The following MUC3A variants were observed in gnomAD, a reference collection of about 807,000 sequenced individuals.
MUC3A encodes the protein mucin-3A.
A neutral mutation model predicts 109.0 loss-of-function variants in MUC3A; 109 were observed. The observed-to-expected ratio is 1.00, with a 90% CI of 0.86 to 1.17. The LOEUF is 1.17. MUC3A is among the 50% of genes most tolerant of loss of function. The pLI is 0.00. For synonymous variants in MUC3A, 1,398 were observed against 981.4 expected (o/e 1.42, Z -7.93); for missense variants, 3,537 against 2,469.4 (o/e 1.43, Z -9.16).
In MUC3A at chr7:100,960,838, A is replaced by G. The variant is rs759716010; in HGVS notation, c.8953A>G (p.Arg2985Gly). The change falls in exon 3 of 12, where the codon AGA becomes GGA. Residue 2985 changes from arginine to glycine, a missense_variant. Arg to Gly is a moderately radical substitution (Grantham distance 125). Transcript: ENST00000379458. ...FSGDRCQLQT[R>G]CQNGGQWDGL... ...TGGGGACCGCTGTCAGCTCCAGACCAGATGCCAGAATGGGGGTCAGTGGGA... is the reference window on the plus strand; with the variant it reads ...TGGGGACCGCTGTCAGCTCCAGACCGGATGCCAGAATGGGGGTCAGTGGGA... 1.9e-6 allele frequency: 3 copies of G among 1,598,528 alleles called. No individual in the cohort carries two copies. Among genetic ancestry groups the G allele is most frequent in the Non-Finnish European group, 1.7e-6 (2 of 1,179,812 alleles).
chr7:100,966,165 G>GATCCCCGCCCCCTCCGTTTAGGGTGA, intron 8 of MUC3A: 2 of 341,276 alleles, frequency 5.9e-6, no homozygotes, highest in Non-Finnish European at 9.7e-6. Flanking sequence ...TTCTAGGGTG[G>GATCCCCGCCCCCTCCGTTTAGGGTGA]AGCCCTGCCC....
Position 100,963,712 on chromosome 7 carries a change from C to T in MUC3A, c.9193C>T (p.Gln3065Ter). The change falls in exon 5 of 12, where the codon CAG becomes TAG. Residue 3065 changes from glutamine (Q) to a stop codon, truncating the protein, a stop_gained. Coordinates refer to ENST00000379458, the MANE Select transcript of MUC3A (RefSeq NM_005960.2). LOFTEE classifies it high-confidence loss of function. ...GATGCAGAAGATTTTTGCAGACATG[C>T]AGGGCTTCACCTTCAAGGGTGTGGA... Reference protein sequence around the residue: ...NQMQKIFADMQGFTFKGVEIL... With the variant: ...NQMQKIFADM 3 of 1,598,512 alleles carry T rather than the reference C, an allele frequency of 1.9e-6. No individual in the cohort carries two copies. The highest frequency in any genetic ancestry group is 1.7e-6 in the Non-Finnish European group (2 of 1,179,808).
rs775413752 is a variant in MUC3A, at chr7:100,959,712, A to T, written c.7933A>T (p.Thr2645Ser). Residue 2645 changes from threonine (T) to serine (S), a missense_variant, in exon 2 of 12, where the codon ACT becomes TCT. Coordinates refer to ENST00000379458, the MANE Select transcript of MUC3A (RefSeq NM_005960.2). Reference sequence around the variant, plus strand: ...CTCCACCCTTCAAACAACTCCTTCTACTCCCTCATTGCAAACTTCACTCAC... The same window carrying T: ...CTCCACCCTTCAAACAACTCCTTCTTCTCCCTCATTGCAAACTTCACTCAC... Reference protein sequence around the residue: ...HSSTLQTTPSTPSLQTSLTST... With the variant: ...HSSTLQTTPSSPSLQTSLTST... 4.4e-6 allele frequency: 7 copies of T among 1,598,482 alleles called. No homozygotes were observed. The South Asian group carries it at 7.7e-5, about 18-fold the overall frequency.
Position 100,953,182 on chromosome 7 carries a change from T to A in MUC3A, c.1403T>A (p.Leu468His), listed in dbSNP as rs1792018667. ...GGTTTCCTGACTACAGCAACAGACC[T>A]CACATCAACATTCACGGTTTCCAGT... ...STGFLTTATD[L>H]TSTFTVSSSS... The change falls in exon 2 of 12, where the codon CTC (leucine) becomes CAC (histidine). Residue 468 changes from leucine to histidine, a missense_variant. Transcript: ENST00000379458. 1.6e-6 allele frequency: 1 copy of A among 610,050 alleles called. No individual in the cohort carries two copies. Among genetic ancestry groups the A allele is most frequent in the East Asian group, 2.8e-5 (1 of 36,222 alleles). The allele number at this position is 610,050 out of a possible 1,614,324, so 37.8% of individuals were successfully genotyped here. A position where few individuals can be genotyped will look rare whatever the true frequency, so the allele number is the denominator to read the frequency against.
chr7:100,958,739 T>TACTCCC lies in MUC3A; in HGVS notation c.6960_6961insACTCCC (p.Ser2320_Ala2321insThrPro), dbSNP rs746917822. 1 of 1,513,206 alleles carries TACTCCC rather than the reference T, an allele frequency of 6.6e-7. No homozygotes were observed. Among genetic ancestry groups the TACTCCC allele is most frequent in the African/African-American group, 1.4e-5 (1 of 71,914 alleles). The allele number at this position is 1,513,206 out of a possible 1,614,324, so 93.7% of individuals were successfully genotyped here. The stretch of plus-strand genomic sequence containing the variant: ...CCACCACGGAGACCACCTCACACAG[T>TACTCCC]GCTCACAGCTTCACTTCTTCGATCA... On this transcript the variant is annotated inframe_insertion, in exon 2 of 12. Transcript: ENST00000379458.
At chr7:100,965,119 C>CAGG in intron 6 of MUC3A, 163 bp from the exon 7 acceptor site, 1 of 1,044,400 alleles carries the variant, frequency 9.6e-7, no homozygotes, top group African/African-American at 2.8e-5. Flanking sequence ...AGGCAGGCAA[C>CAGG]AGGAGTCTTC....
In MUC3A at chr7:100,959,041, A is replaced by AGAGTACTCC. The variant is rs2116193099; in HGVS notation, c.7262_7263insGAGTACTCC (p.His2421delinsGlnSerThrPro). On this transcript the variant is annotated protein_altering_variant, in exon 2 of 12. Transcript: ENST00000379458. ...ATCACCACCACTGAGACTACCTCACACAGTACTCCTGGCTTCACTTCTTCA... is the reference window on the plus strand; with the variant it reads ...ATCACCACCACTGAGACTACCTCACAGAGTACTCCCAGTACTCCTGGCTTCACTTCTTCA... The AGAGTACTCC allele has an allele frequency of 6.6e-7, 1 of 1,522,256 alleles. No homozygotes were observed. Among genetic ancestry groups the AGAGTACTCC allele is most frequent in the African/African-American group, 1.5e-5 (1 of 66,392 alleles). The allele number at this position is 1,522,256 out of a possible 1,614,324, so 94.3% of individuals were successfully genotyped here.
intron 3 of MUC3A, among the ~76,000 whole-genome samples, chr7:100,962,815 T>TCTCTC (rs1792380301): frequency 3.7e-5 from 3 of 80,116 alleles, no homozygotes; most frequent in South Asian, 3.5e-4. Context: ...CTCTCTCTCT[T>TCTCTC]TCTTTCTTTC....
rs1792450006 is a variant in MUC3A at position 100,964,357 on chromosome 7, GGC to G, written c.9234-337_9234-336del. On this transcript the variant is annotated intron_variant, in intron 5 of 11. Transcript: ENST00000379458. ...CACCTGTAGTCCCTGATACTTGGGA[GGC>G]TGAGGAGAAAGGATCACTTTAGCCC... 9.7e-6 allele frequency: 3 copies of G among 308,728 alleles called. No individual in the cohort carries two copies. In the South Asian group the frequency reaches 4.3e-4, roughly 44 times the overall value. 19.1% of individuals were successfully genotyped at this position (308,728 alleles called of 1,614,324 possible). A position where few individuals can be genotyped will look rare whatever the true frequency, so the allele number is the denominator to read the frequency against.
At position 100,957,034 on chromosome 7, in the gene MUC3A, C is replaced by G; in HGVS notation, c.5255C>G (p.Ser1752Cys). 2.2e-6 allele frequency: 1 copy of G among 462,718 alleles called. No homozygotes were observed. The highest frequency in any genetic ancestry group is 7.0e-5 in the South Asian group (1 of 14,248). 28.7% of individuals were successfully genotyped at this position (462,718 alleles called of 1,614,324 possible). The change falls in exon 2 of 12, where the codon TCT becomes TGT. Residue 1752 changes from serine (S) to cysteine (C), a missense_variant. Ser to Cys is a moderately radical substitution (Grantham distance 112, BLOSUM62 -1). Transcript: ENST00000379458. ...CCTACCTCTGACATTTCCACAGGAT[C>G]TTTCAAAACAGCCGTGAGTTCTACT... ...LTPTSDISTG[S>C]FKTAVSSTPP...
chr7:100,952,126 C>A lies in MUC3A; in HGVS notation c.347C>A (p.Pro116Gln). 1 of 1,598,560 alleles carries A rather than the reference C, an allele frequency of 6.3e-7. No homozygotes were observed. Among genetic ancestry groups the A allele is most frequent in the South Asian group, 1.1e-5 (1 of 91,090 alleles). ...SKFAFKVETT[P>Q]PTVLVYSATT... ...TTTGCCTTCAAGGTTGAAACCACTC[C>A]ACCCACCGTGTTGGTCTATTCAGCC... The change falls in exon 2 of 12, where the codon CCA (proline) becomes CAA (glutamine). Residue 116 changes from proline (P) to glutamine (Q), a missense_variant. By Grantham distance (76) the Pro-to-Gln change is moderately conservative (BLOSUM62 -1). Coordinates refer to ENST00000379458, the MANE Select transcript of MUC3A (RefSeq NM_005960.2).
intron 4 of MUC3A, 144 bp from the exon 5 acceptor site, chr7:100,963,544 C>G (rs1792414195): frequency 3.1e-6 from 4 of 1,304,712 alleles, no homozygotes; most frequent in Non-Finnish European, 3.2e-6. Context: ...CTCGTCCTCC[C>G]AAAGTGTTGG....
chr7:100,956,988 C>A lies in MUC3A; in HGVS notation c.5209C>A (p.Pro1737Thr), dbSNP rs1341875190. ...TTFTSSTATS[P>T]KTTTLTPTSD... ...ATTCACCAGTTCAACAGCCACATCC[C>A]CTAAGACCACCACACTGACTCCTAC... The change falls in exon 2 of 12, where the codon CCT (proline) becomes ACT (threonine). Residue 1737 changes from proline (P) to threonine (T), a missense_variant. Pro to Thr is a conservative substitution (Grantham distance 38). Coordinates refer to ENST00000379458, the MANE Select transcript of MUC3A (RefSeq NM_005960.2). 1.2e-4 allele frequency: 52 copies of A among 431,058 alleles called. No individual in the cohort carries two copies. In the East Asian group the frequency reaches 1.8e-3, roughly 15 times the overall value. The allele number at this position is 431,058 out of a possible 1,614,324, so 26.7% of individuals were successfully genotyped here.
chr7:100,964,527 A>T, intron 5 of MUC3A, 168 bp from the exon 6 acceptor site: 1 of 1,148,606 alleles, frequency 8.7e-7, no homozygotes, highest in Non-Finnish European at 1.2e-6. Flanking sequence ...AGGCAGACCA[A>T]GTCAGGAATG....
At position 100,960,221 on chromosome 7, in the gene MUC3A, C is replaced by T. The variant is rs1456600495; in HGVS notation, c.8442C>T (p.Thr2814=). The T allele has an allele frequency of 8.1e-6, 13 of 1,596,670 alleles. No individual in the cohort carries two copies. The highest frequency in any genetic ancestry group is 6.6e-5 in the South Asian group (6 of 90,970). The change falls in exon 2 of 12, where the codon ACC becomes ACT. Residue 2814 remains threonine (T), a synonymous_variant. Transcript: ENST00000379458. The part of the protein sequence containing the change: ...TVFPFTTEMV[T]CPTSISIQTT... ...TTCCCTTTACTACCGAAATGGTCAC[C>T]TGTCCTACCTCCATCAGTATCCAAA...
At chr7:100,966,025 A>C in intron 8 of MUC3A, 159 bp downstream of exon 8, 1 of 1,070,646 alleles carries the variant, frequency 9.3e-7, no homozygotes, top group Admixed American at 4.5e-5. Flanking sequence ...CCTACAGTGG[A>C]GCCCTGCCCT....
Position 100,960,760 on chromosome 7 carries a change from G to A in MUC3A, c.8875G>A (p.Asp2959Asn), listed in dbSNP as rs1380171803. 6.3e-7 allele frequency: 1 copy of A among 1,597,242 alleles called. No homozygotes were observed. Among genetic ancestry groups the A allele is most frequent in the Non-Finnish European group, 8.5e-7 (1 of 1,179,172 alleles). Residue 2959 changes from aspartate (D) to asparagine (N), a missense_variant, in exon 3 of 12, where the codon GAC becomes AAC. By Grantham distance (23) the Asp-to-Asn change is conservative. Coordinates refer to ENST00000379458, the MANE Select transcript of MUC3A (RefSeq NM_005960.2). Reference protein sequence around the residue: ...STLTTTAGTCDNGGTWEQGQC... With the variant: ...STLTTTAGTCNNGGTWEQGQC... ...CTTTCTGTGTTTTCCAGGCACCTGT[G>A]ACAATGGTGGCACCTGGGAACAGGG...
In MUC3A at chr7:100,954,515, T is replaced by C. The variant is rs1792051867; in HGVS notation, c.2736T>C (p.Ser912=). 7 of 401,988 alleles carry C rather than the reference T, an allele frequency of 1.7e-5. No homozygotes were observed. Among genetic ancestry groups the C allele is most frequent in the Admixed American group, 1.3e-4 (3 of 22,782 alleles). The allele number at this position is 401,988 out of a possible 1,614,324, so 24.9% of individuals were successfully genotyped here. Residue 912 remains serine (S), a synonymous_variant, in exon 2 of 12, where the codon TCT becomes TCC. Transcript: ENST00000379458. The part of the protein sequence containing the change: ...TSFPMTHSFS[S]SMSESSAGTT... ...TTCCAATGACACATTCATTCTCTTC[T>C]TCTATGTCTGAAAGTAGTGCTGGGA... is the stretch of plus-strand genomic sequence containing the variant.
chr7:100,960,797 G>C lies in MUC3A; in HGVS notation c.8912G>C (p.Cys2971Ser), dbSNP rs867329998. The C allele has an allele frequency of 1.3e-6, 2 of 1,598,406 alleles. No homozygotes were observed. Among genetic ancestry groups the C allele is most frequent in the Non-Finnish European group, 8.5e-7 (1 of 1,179,820 alleles). ...ACCTGGGAACAGGGCCAGTGTGCTT[G>C]CCTTCCGGGGTTTTCTGGGGACCGC... The part of the protein sequence containing the change: ...GGTWEQGQCA[C>S]LPGFSGDRCQ... Residue 2971 changes from cysteine to serine, a missense_variant, in exon 3 of 12, where the codon TGC becomes TCC. By Grantham distance (112) the Cys-to-Ser change is moderately radical (BLOSUM62 -1). Coordinates refer to ENST00000379458, the MANE Select transcript of MUC3A (RefSeq NM_005960.2).
Sources: gnomAD v4.1 joint callset for allele counts (sites outside exome capture counted in the v4.1 genomes callset) on GRCh38, gnomAD v4.1.1 for gene constraint, MANE v1.5 for transcripts, NCBI Gene and HGNC (gene_info 2026-07-23, HGNC 2026-07-21) for gene names.